Variants in ADAM23 observed in about 807,000 individuals in gnomAD.
The protein encoded by ADAM23 is ADAM metallopeptidase domain 23.
ADAM23 carries 33 observed loss-of-function variants against 120.1 expected under a neutral mutation model. The ratio of observed to expected loss-of-function variants is 0.27; its 90% CI spans 0.21 to 0.37. The LOEUF (loss-of-function observed/expected upper bound fraction) is 0.37. ADAM23 is among the 10% of genes least tolerant of loss of function. The pLI, the probability that ADAM23 is intolerant of heterozygous loss-of-function variation, is 1.00. For synonymous variants in ADAM23, 367 were observed against 375.2 expected (o/e 0.98, Z 0.25); for missense variants, 862 against 1,058.2 (o/e 0.81, Z 2.57).
chr2:206,592,940 A>G (rs1216304183), intron 22 of ADAM23, among the ~76,000 whole-genome samples: 2 of 152,216 alleles, frequency 1.3e-5, no homozygotes, highest in African/African-American at 4.8e-5. Context: ...CATTTGCTCA[A>G]AATTATACTA....
At chr2:206,474,166 A>G (rs1353766804) in intron 2 of ADAM23, among the ~76,000 whole-genome samples, 2 of 152,202 alleles carry the variant, frequency 1.3e-5, no homozygotes, top group Non-Finnish European at 1.5e-5. Flanking sequence ...AGAAAACATG[A>G]TAATATTTTT....
chr2:206,477,923 A>ATATATATATATATATATATAT (rs1261680065), intron 2 of ADAM23, among the ~76,000 whole-genome samples: 3 of 90,712 alleles, frequency 3.3e-5, no homozygotes, highest in Admixed American at 1.2e-4. Flanking sequence ...TATATATATA[A>ATATATATATATATATATATAT]AACAACAATG....
At chr2:206,610,138 A>T in intron 25 of ADAM23, 138 bp downstream of exon 25, 1 of 709,806 alleles carries the variant, frequency 1.4e-6, no homozygotes, top group Admixed American at 4.0e-5. Flanking sequence ...TTTATTCAGA[A>T]ATGGGTTAGA....
intron 3 of ADAM23, among the ~76,000 whole-genome samples, chr2:206,502,981 A>AATGTAT (rs911529229): frequency 9.9e-5 from 15 of 152,166 alleles, no homozygotes; most frequent in African/African-American, 3.6e-4. Context: ...GCCATATTAT[A>AATGTAT]ATGTATATGT....
At chr2:206,587,498 T>A (rs1484162621) in intron 19 of ADAM23, 123 bp downstream of exon 19, 2 of 683,502 alleles carry the variant, frequency 2.9e-6, no homozygotes, top group Admixed American at 6.3e-5. Flanking sequence ...ATTATTATAG[T>A]GGGATTCTAA....
intron 25 of ADAM23, among the ~76,000 whole-genome samples, chr2:206,611,633 T>C (rs1200412834): frequency 6.6e-6 from 1 of 152,172 alleles, no homozygotes; most frequent in African/African-American, 2.4e-5. Context: ...CTATTACACG[T>C]CTTTGCCGTC....
At chr2:206,495,922 A>T (rs536579314) in intron 3 of ADAM23, among the ~76,000 whole-genome samples, 1 of 152,354 alleles carries the variant, frequency 6.6e-6, no homozygotes, top group Admixed American at 6.5e-5. Context: ...ATGTAATGGT[A>T]AAGGGATCAA....
intron 24 of ADAM23, among the ~76,000 whole-genome samples, chr2:206,599,201 T>G (rs991184005): frequency 9.7e-5 from 14 of 143,868 alleles, no homozygotes; most frequent in Non-Finnish European, 2.0e-4. Flanking sequence ...CGAGATTCCA[T>G]CTCAAAAAAA....
intron 17 of ADAM23, 100 bp from the exon 18 acceptor site, chr2:206,573,015 T>G (rs571910527): frequency 1.7e-6 from 2 of 1,173,456 alleles, no homozygotes; most frequent in East Asian, 4.7e-5. Flanking sequence ...TTGGTGTTAG[T>G]TATGCGAGAG....
intron 15 of ADAM23, 30 bp downstream of exon 15, chr2:206,567,352 G>A (rs1448970379): frequency 2.6e-6 from 4 of 1,555,710 alleles, no homozygotes; most frequent in Non-Finnish European, 3.5e-6. Context: ...TACTAAGAAA[G>A]TATATTATTT....
rs369095587 is a variant in ADAM23 at position 206,461,687 on chromosome 2, C to T, written c.432+16163C>T. ...TCTGGATGCGTTTGTTCTCTAGAAT[C>T]CCTTATGGCTCTAAAATTCTTTGAA... On this transcript the variant is annotated intron_variant, in intron 2 of 25. Coordinates refer to ENST00000264377, the MANE Select transcript of ADAM23 (RefSeq NM_003812.4). Among the ~76,000 whole-genome samples the T allele has an allele frequency of 2.5e-4, 38 of 152,122 alleles. No individual in the cohort carries two copies. The East Asian group carries it at 2.9e-3, about 12-fold the overall frequency.
intron 1 of ADAM23, 84 bp downstream of exon 1, chr2:206,444,164 C>T (rs1695025466): frequency 1.8e-6 from 2 of 1,089,648 alleles, no homozygotes; most frequent in East Asian, 3.3e-5. Flanking sequence ...TCCGTGTGCT[C>T]CGGGCTTGTC....
intron 22 of ADAM23, among the ~76,000 whole-genome samples, chr2:206,594,077 C>T (rs1189882869): frequency 6.6e-6 from 1 of 151,774 alleles, no homozygotes; most frequent in Non-Finnish European, 1.5e-5. Context: ...AGAAGTGTAG[C>T]CCAGGAGCAA....
chr2:206,498,388 G>C (rs1173805602), intron 3 of ADAM23, among the ~76,000 whole-genome samples: 5 of 152,124 alleles, frequency 3.3e-5, no homozygotes, highest in Admixed American at 1.3e-4. Context: ...CTGACAAAAA[G>C]AAGAAATGGG....
At chr2:206,487,657 G>A (rs1263455640) in intron 3 of ADAM23, among the ~76,000 whole-genome samples, 1 of 152,232 alleles carries the variant, frequency 6.6e-6, no homozygotes, top group African/African-American at 2.4e-5. Context: ...ATGCTGTCCT[G>A]TTTATTGTGA....
At chr2:206,587,954 T>G (rs1193852960) in intron 19 of ADAM23, 137 bp from the exon 20 acceptor site, 1 of 802,556 alleles carries the variant, frequency 1.2e-6, no homozygotes, top group African/African-American at 1.7e-5. Context: ...TTTGTGATCC[T>G]TACTGGTCAC....
chr2:206,487,854 A>G (rs1343799467), intron 3 of ADAM23, among the ~76,000 whole-genome samples: 1 of 152,220 alleles, frequency 6.6e-6, no homozygotes, highest in East Asian at 1.9e-4. Context: ...AATGATGCCC[A>G]GGGAGAACTC....
intron 3 of ADAM23, among the ~76,000 whole-genome samples, chr2:206,508,393 C>T (rs1399297678): frequency 6.6e-6 from 1 of 152,134 alleles, no homozygotes; most frequent in Non-Finnish European, 1.5e-5. Context: ...TGGTGGCTCT[C>T]ACCTGTAATC....
chr2:206,589,294 A>G (rs901780372), intron 20 of ADAM23, 115 bp from the exon 21 acceptor site: 1 of 751,808 alleles, frequency 1.3e-6, no homozygotes, highest in African/African-American at 1.8e-5. Context: ...ACAAATCAGG[A>G]TGTTCTTTTT....
Sources: allele counts gnomAD v4.1 joint callset (sites outside exome capture counted in the v4.1 genomes callset), GRCh38; gene constraint gnomAD v4.1.1; transcripts MANE v1.5; gene names NCBI Gene and HGNC (gene_info 2026-07-23, HGNC 2026-07-21).